GRIP2: variants seen among roughly 807,000 people sequenced by gnomAD.
GRIP2 encodes glutamate receptor interacting protein 2.
In GRIP2, 58 loss-of-function variants were observed where a neutral mutation model predicts 108.3. That is an observed-to-expected ratio of 0.54 (90% CI 0.43 to 0.67). The LOEUF (loss-of-function observed/expected upper bound fraction) is 0.67. Among genes scored for constraint, GRIP2 ranks in the 30% least tolerant of loss-of-function variants. The pLI, the probability that GRIP2 is intolerant of heterozygous loss-of-function variation, is 0.00. For missense variants in GRIP2, 1,278 were observed against 1,430.6 expected (o/e 0.89, Z 1.72); for synonymous variants, 586 against 598.2 (o/e 0.98, Z 0.30).
At chr3:14,580,881 G>A in the GRIP2 span, among the ~76,000 whole-genome samples, 3 of 152,212 alleles carry the variant, frequency 2.0e-5, no homozygotes, top group Non-Finnish European at 2.9e-5. Context: ...TTGGCCTGAT[G>A]CAATCAGTAG....
At chr3:14,572,240 G>A in the GRIP2 span, among the ~76,000 whole-genome samples, 2 of 151,644 alleles carry the variant, frequency 1.3e-5, no homozygotes, top group East Asian at 3.9e-4. Context: ...TAAAAATGGC[G>A]GCATATTCAC....
rs569968454 is a variant in GRIP2 at position 14,505,082 on chromosome 3, G to T, written c.2573+533C>A. 6.6e-6 allele frequency among the ~76,000 whole-genome samples: 1 copy of T among 152,148 alleles called. No individual in the cohort carries two copies. Among genetic ancestry groups the T allele is most frequent in the Admixed American group, 6.5e-5 (1 of 15,282 alleles). On this transcript the variant is annotated intron_variant, in intron 20 of 23. Coordinates refer to ENST00000621039, the MANE Select transcript of GRIP2 (RefSeq NM_001080423.4). The surrounding 1 kb of genome is among the most constrained non-coding windows in gnomAD (Gnocchi z 4.2). Reference sequence around the variant, plus strand: ...AGTTTTGAGGGATGAGTAGGGATTTGCCAGGAGAGACCAGGGGAAAGGCAT... The same window carrying T: ...AGTTTTGAGGGATGAGTAGGGATTTTCCAGGAGAGACCAGGGGAAAGGCAT...
chr3:14,539,952 G>C (rs752302872), intron 1 of GRIP2, among the ~76,000 whole-genome samples: 1 of 152,138 alleles, frequency 6.6e-6, no homozygotes, highest in Non-Finnish European at 1.5e-5. Flanking sequence ...TGGGCAAAAG[G>C]CTTCGCTCAC....
the GRIP2 span, among the ~76,000 whole-genome samples, chr3:14,592,691 TC>T: frequency 5.3e-5 from 8 of 152,214 alleles, no homozygotes; most frequent in East Asian, 1.5e-3. Flanking sequence ...AAGCCACGCT[TC>T]CCCTGACTCC....
intron 16 of GRIP2, among the ~76,000 whole-genome samples, chr3:14,510,344 T>C (rs1694052817): frequency 6.9e-6 from 1 of 145,556 alleles, no homozygotes; most frequent in Non-Finnish European, 1.5e-5. Context: ...TTCACTGCCA[T>C]ACCTCTGCTT....
chr3:14,548,624 G>A (rs1220787248), intron 1 of GRIP2, among the ~76,000 whole-genome samples: 2 of 152,314 alleles, frequency 1.3e-5, no homozygotes, highest in Non-Finnish European at 2.9e-5. Flanking sequence ...ATGACCCTCC[G>A]TCCAAACGCA....
Position 14,511,123 on chromosome 3 carries a change from G to C in GRIP2, c.1933+42C>G, listed in dbSNP as rs1256423122. On this transcript the variant is annotated intron_variant, in intron 16 of 23. Transcript: ENST00000621039. The surrounding 1 kb of genome is among the most constrained non-coding windows in gnomAD (Gnocchi z 4.1). ...GCAAGCTGGGAACCCGCTAGTCAAA[G>C]GGTGGGCCTCTGGAGGTAGGAGGCC... 6 of 1,608,414 alleles carry C rather than the reference G, an allele frequency of 3.7e-6. No homozygotes were observed. The highest frequency in any genetic ancestry group is 4.5e-5 in the East Asian group (2 of 44,780).
At chr3:14,582,835 G>A in the GRIP2 span, among the ~76,000 whole-genome samples, 5 of 152,206 alleles carry the variant, frequency 3.3e-5, no homozygotes, top group African/African-American at 1.2e-4. Flanking sequence ...ACATGTGCTT[G>A]GCTGGCTTGC....
At chr3:14,593,423 G>A in the GRIP2 span, among the ~76,000 whole-genome samples, 1 of 152,290 alleles carries the variant, frequency 6.6e-6, no homozygotes, top group African/African-American at 2.4e-5. Flanking sequence ...AGAATCAAAC[G>A]AGGACAACTT....
chr3:14,509,183 T>C lies in GRIP2; in HGVS notation c.2078+637A>G, dbSNP rs1694013555. 2.0e-5 allele frequency among the ~76,000 whole-genome samples: 3 copies of C among 151,962 alleles called. 1 individual carries two copies. The South Asian group carries it at 6.2e-4, about 32-fold the overall frequency. On this transcript the variant is annotated intron_variant, in intron 17 of 23. Transcript: ENST00000621039. ...GCGCGGTGCCCTCCTCCGGGACGCG[T>C]CCTGCCCCTGCAGCCCCCACCAGGC...
At chr3:14,540,961 CA>C (rs1215402843), upstream of GRIP2, among the ~76,000 whole-genome samples, 2 of 152,232 alleles carry the variant, frequency 1.3e-5, no homozygotes, top group African/African-American at 2.4e-5. This position sits in a 1 kb window ranked among gnomAD's most constrained non-coding sequence, Gnocchi z 4.1. Context: ...AGTGGCCACC[CA>C]GCTTTTTGTG....
the GRIP2 span, among the ~76,000 whole-genome samples, chr3:14,577,110 T>A: frequency 6.6e-6 from 1 of 152,212 alleles, no homozygotes; most frequent in Non-Finnish European, 1.5e-5. Context: ...CCCTTCAAAT[T>A]TTTGCAGAAT....
In GRIP2 at chr3:14,540,180, C is replaced by T. The variant is rs1694931338; in HGVS notation, c.40+89G>A. On this transcript the variant is annotated intron_variant, in intron 1 of 23. Coordinates refer to ENST00000621039, the MANE Select transcript of GRIP2 (RefSeq NM_001080423.4). The surrounding 1 kb of genome is among the most constrained non-coding windows in gnomAD (Gnocchi z 4.1). ...AGGGAGTGGCAGTCCCAGGTCTCAG[C>T]CATCCAGTCCCCTCTCTCTGGGCAG... 5.3e-6 allele frequency: 8 copies of T among 1,497,750 alleles called. No individual in the cohort carries two copies. Among genetic ancestry groups the T allele is most frequent in the Non-Finnish European group, 1.8e-6 (2 of 1,103,856 alleles). 92.8% of individuals were successfully genotyped at this position (1,497,750 alleles called of 1,614,324 possible). A position where few individuals can be genotyped will look rare whatever the true frequency, so the allele number is the denominator to read the frequency against.
chr3:14,510,279 T>TG (rs1694049764), intron 16 of GRIP2, among the ~76,000 whole-genome samples: 3 of 124,716 alleles, frequency 2.4e-5, no homozygotes, highest in African/African-American at 8.4e-5. Flanking sequence ...TTTTTTTTTT[T>TG]TGAGACAGAG....
chr3:14,593,465 C>T, the GRIP2 span, among the ~76,000 whole-genome samples: 68 of 152,188 alleles, frequency 4.5e-4, no homozygotes, highest in African/African-American at 1.5e-3. Flanking sequence ...CACCAAGCCT[C>T]GTTCAGTCCA....
chr3:14,585,256 C>T, the GRIP2 span, among the ~76,000 whole-genome samples: 63 of 152,354 alleles, frequency 4.1e-4, no homozygotes, highest in African/African-American at 1.3e-3. Flanking sequence ...CTCCTGACCT[C>T]GTGATGCACC....
At chr3:14,535,873 A>C (rs925811397) in intron 1 of GRIP2, among the ~76,000 whole-genome samples, 1 of 152,188 alleles carries the variant, frequency 6.6e-6, no homozygotes. Context: ...CTCCAGGCAG[A>C]GCCCCAGCTC....
At chr3:14,498,283 C>T (rs1233697080) in intron 21 of GRIP2, among the ~76,000 whole-genome samples, 1 of 151,986 alleles carries the variant, frequency 6.6e-6, no homozygotes, top group Non-Finnish European at 1.5e-5. Flanking sequence ...GCAAACATAG[C>T]CAGACAACCT....
chr3:14,551,173 C>T (rs1320270225), intron 1 of GRIP2, among the ~76,000 whole-genome samples: 2 of 152,078 alleles, frequency 1.3e-5, no homozygotes, highest in East Asian at 1.9e-4. Context: ...AGGTGCTTTC[C>T]GCTCCATCTG....
Sources: allele counts gnomAD v4.1 joint callset (sites outside exome capture counted in the v4.1 genomes callset), GRCh38; gene constraint gnomAD v4.1.1; non-coding constraint Gnocchi (gnomAD v3.1); transcripts MANE v1.5; gene names NCBI Gene and HGNC (gene_info 2026-07-23, HGNC 2026-07-21).